Variants in PPP1R21 observed in about 807,000 individuals in gnomAD.
PPP1R21 encodes the protein protein phosphatase 1 regulatory subunit 21.
A neutral mutation model predicts 112.8 loss-of-function variants in PPP1R21; 85 were observed. The observed-to-expected ratio is 0.75, with a 90% CI of 0.63 to 0.90. The LOEUF is 0.90. Ranked by LOEUF, PPP1R21 falls within the 40% of genes least tolerant of loss-of-function variation. The pLI is 0.00. For missense variants in PPP1R21, 1,199 were observed against 901.5 expected (o/e 1.33, Z -4.23); for synonymous variants, 381 against 322.3 (o/e 1.18, Z -1.95).
chr2:48,449,709 A>G (rs180673113), intron 1 of PPP1R21, among the ~76,000 whole-genome samples: 31 of 152,194 alleles, frequency 2.0e-4, no homozygotes, highest in Non-Finnish European at 1.5e-5. Flanking sequence ...GATCTGAGCT[A>G]TGCAGAATTA....
At chr2:48,445,124 T>C (rs772879186) in intron 1 of PPP1R21, among the ~76,000 whole-genome samples, 117 of 150,290 alleles carry the variant, frequency 7.8e-4, no homozygotes, top group Non-Finnish European at 1.4e-3. Flanking sequence ...AGGATTAAAA[T>C]TGAATATGAG....
At position 48,507,276 on chromosome 2, in the gene PPP1R21, A is replaced by T; in HGVS notation, c.1976A>T (p.Asp659Val). 1 of 1,547,042 alleles carries T rather than the reference A, an allele frequency of 6.5e-7. No homozygotes were observed. Among genetic ancestry groups the T allele is most frequent in the East Asian group, 2.5e-5 (1 of 40,028 alleles). ...TATTTGTGTTCTATTTAGGTTCCAGATGTGGAATCTCGTGAAGACTTAATT... is the reference window on the plus strand; with the variant it reads ...TATTTGTGTTCTATTTAGGTTCCAGTTGTGGAATCTCGTGAAGACTTAATT... Reference protein sequence around the residue: ...LTRTSDSEVPDVESREDLIKN... With the variant: ...LTRTSDSEVPVVESREDLIKN... Residue 659 changes from aspartate to valine, a missense_variant, in exon 19 of 22, where the codon GAT becomes GTT. Transcript: ENST00000294952.
chr2:48,488,338 T>G (rs1212702518), intron 14 of PPP1R21, among the ~76,000 whole-genome samples: 1 of 152,026 alleles, frequency 6.6e-6, no homozygotes, highest in Non-Finnish European at 1.5e-5. Context: ...GAGAGAATGT[T>G]GGTATTTTAT....
chr2:48,496,394 T>TTG (rs1669836352), intron 16 of PPP1R21, among the ~76,000 whole-genome samples: 1 of 152,118 alleles, frequency 6.6e-6, no homozygotes, highest in African/African-American at 2.4e-5. Flanking sequence ...TCTAGAGGTG[T>TTG]TGCCCCATAC....
In PPP1R21 at chr2:48,498,544, T is replaced by G; in HGVS notation, c.1744T>G (p.Trp582Gly). ...ISKLEQEKEH[W>G]MLEAQLAKIK... ...TAAACTGGAGCAGGAAAAAGAACAT[T>G]GGATGTTGGAAGCACAATTAGCCAA... Residue 582 changes from tryptophan to glycine, a missense_variant, in exon 17 of 22, where the codon TGG becomes GGG. By Grantham distance (184) the Trp-to-Gly change is radical. Coordinates refer to ENST00000294952, the MANE Select transcript of PPP1R21 (RefSeq NM_001135629.3). 6.2e-7 allele frequency: 1 copy of G among 1,614,138 alleles called. No homozygotes were observed. The highest frequency in any genetic ancestry group is 8.5e-7 in the Non-Finnish European group (1 of 1,179,992).
At chr2:48,498,821 G>C (rs1309158466) in intron 17 of PPP1R21, 86 bp downstream of exon 17, 1 of 1,341,054 alleles carries the variant, frequency 7.5e-7, no homozygotes, top group African/African-American at 1.5e-5. Context: ...CATTGTCTTA[G>C]TTCATTCAGG....
At chr2:48,464,563 T>TTTTTGCTG (rs1668117034) in intron 7 of PPP1R21, among the ~76,000 whole-genome samples, 1 of 152,190 alleles carries the variant, frequency 6.6e-6, no homozygotes, top group Non-Finnish European at 1.5e-5. Context: ...ACAGTGGTAT[T>TTTTTGCTG]TTTTGCTGAT....
chr2:48,498,316 A>G (rs1669942483), intron 16 of PPP1R21, among the ~76,000 whole-genome samples, 177 bp from the exon 17 acceptor site: 1 of 150,532 alleles, frequency 6.6e-6, no homozygotes. Context: ...TTCTCGATTT[A>G]TGGTTGTGCT....
intron 7 of PPP1R21, among the ~76,000 whole-genome samples, chr2:48,464,633 A>T (rs960562356): frequency 6.6e-6 from 1 of 152,158 alleles, no homozygotes; most frequent in Non-Finnish European, 1.5e-5. Context: ...AACAGCAAGA[A>T]CGTCATGAGC....
chr2:48,499,816 G>A (rs1572890824), intron 17 of PPP1R21, among the ~76,000 whole-genome samples: 1 of 152,116 alleles, frequency 6.6e-6, no homozygotes, highest in Non-Finnish European at 1.5e-5. Flanking sequence ...AGAATTTAAA[G>A]TTACTTTAAA....
chr2:48,469,299 G>A lies in PPP1R21; in HGVS notation c.898-1788G>A, dbSNP rs75129213. Among the ~76,000 whole-genome samples the A allele has an allele frequency of 1.0e-3, 70 of 67,964 alleles. 1 individual carries two copies. The highest frequency in any genetic ancestry group is 1.4e-3 in the Non-Finnish European group (44 of 30,684). 44.6% of individuals were successfully genotyped at this position (67,964 alleles called of 152,430 possible). A position where few individuals can be genotyped will look rare whatever the true frequency, so the allele number is the denominator to read the frequency against. ...TGTGTGTGTGTGTGTGTGTGTGTATGTATATATATACACACACACACATAT... is the reference window on the plus strand; with the variant it reads ...TGTGTGTGTGTGTGTGTGTGTGTATATATATATATACACACACACACATAT... On this transcript the variant is annotated intron_variant, in intron 9 of 21. Coordinates refer to ENST00000294952, the MANE Select transcript of PPP1R21 (RefSeq NM_001135629.3).
At chr2:48,454,450 A>G (rs1667621818) in intron 2 of PPP1R21, 145 bp from the exon 3 acceptor site, 5 of 895,186 alleles carry the variant, frequency 5.6e-6, no homozygotes, top group Non-Finnish European at 8.5e-6. Flanking sequence ...TAAAAACTTA[A>G]GAACTGAAGT....
At chr2:48,466,151 T>C (rs1668193385) in intron 9 of PPP1R21, among the ~76,000 whole-genome samples, 1 of 152,064 alleles carries the variant, frequency 6.6e-6, no homozygotes, top group Admixed American at 6.6e-5. Context: ...GTTTGGGAAC[T>C]GTGGGAGCTA....
chr2:48,478,279 ATTAATACAGGGAG>A (rs1201074330), intron 12 of PPP1R21, among the ~76,000 whole-genome samples: 1 of 152,228 alleles, frequency 6.6e-6, no homozygotes. Context: ...GCACTAGGAA[ATTAATACAGGGAG>A]TATTGCCATC....
intron 19 of PPP1R21, among the ~76,000 whole-genome samples, chr2:48,508,780 G>T (rs1251803307): frequency 6.6e-6 from 1 of 152,176 alleles, no homozygotes; most frequent in Non-Finnish European, 1.5e-5. Flanking sequence ...TGGCTGAACT[G>T]CCCTAAAATT....
At position 48,486,363 on chromosome 2, in the gene PPP1R21, A is replaced by G. The variant is rs565107814; in HGVS notation, c.1319-268A>G. On this transcript the variant is annotated intron_variant, in intron 13 of 21. Coordinates refer to ENST00000294952, the MANE Select transcript of PPP1R21 (RefSeq NM_001135629.3). The stretch of plus-strand genomic sequence containing the variant: ...TGGTAAATACAGGATCATTTACCCA[A>G]TGTTAGAATTAATACTCCGACGAGG... Among the ~76,000 whole-genome samples the G allele has an allele frequency of 3.5e-4, 53 of 152,294 alleles. 1 individual carries two copies. In the South Asian group the frequency reaches 8.3e-3, roughly 24 times the overall value.
At chr2:48,444,862 T>G (rs1667178940) in intron 1 of PPP1R21, among the ~76,000 whole-genome samples, 1 of 137,206 alleles carries the variant, frequency 7.3e-6, no homozygotes, top group East Asian at 2.0e-4. Flanking sequence ...TTTAAAGTTC[T>G]TTTTTTTTTT....
intron 16 of PPP1R21, among the ~76,000 whole-genome samples, chr2:48,497,588 T>TTGATATTA (rs1180818990): frequency 6.6e-6 from 1 of 152,194 alleles, no homozygotes; most frequent in African/African-American, 2.4e-5. Flanking sequence ...ATTGTGGTTG[T>TTGATATTA]TGATATTAGT....
Position 48,504,523 on chromosome 2 carries a change from C to A in PPP1R21, c.1936-1041C>A, listed in dbSNP as rs143598018. Among the ~76,000 whole-genome samples the A allele has an allele frequency of 7.8e-3, 1,187 of 152,218 alleles. 18 individuals carry two copies. The highest frequency in any genetic ancestry group is 0.027 in the African/African-American group (1,120 of 41,534). ...GGGCGTGGTGGCGTGCACCTGTAAT[C>A]CCCACTACTCGGGAGGCTGAGGCGG... On this transcript the variant is annotated intron_variant, in intron 17 of 21. Transcript: ENST00000294952.
Sources: gnomAD v4.1 joint callset for allele counts (sites outside exome capture counted in the v4.1 genomes callset) on GRCh38, gnomAD v4.1.1 for gene constraint, MANE v1.5 for transcripts, NCBI Gene and HGNC (gene_info 2026-07-23, HGNC 2026-07-21) for gene names.